The following TAFA2 variants were observed in gnomAD, a reference collection of about 807,000 sequenced individuals.
TAFA2 encodes chemokine-like protein TAFA-2.
In TAFA2, 7 loss-of-function variants were observed where a neutral mutation model predicts 18.8. That is an observed-to-expected ratio of 0.37 (90% CI 0.21 to 0.70). TAFA2 has a LOEUF of 0.70. TAFA2 is among the 30% of genes least tolerant of loss of function. TAFA2 has a pLI of 0.53. For synonymous variants in TAFA2, 60 were observed against 54.2 expected, an observed-to-expected ratio of 1.11 and a Z score of -0.47; for missense variants, 122 against 158.1, an observed-to-expected ratio of 0.77 and a Z score of 1.23.
At chr12:61,878,696 C>T (rs1385504729) in intron 1 of TAFA2, among the ~76,000 whole-genome samples, 3 of 152,200 alleles carry the variant, frequency 2.0e-5, no homozygotes, top group African/African-American at 4.8e-5. Flanking sequence ...TGCCCAATAA[C>T]ATTTAATGTC....
chr12:62,015,717 C>A (rs1439626952), intron 1 of TAFA2, among the ~76,000 whole-genome samples: 1 of 152,182 alleles, frequency 6.6e-6, no homozygotes, highest in Non-Finnish European at 1.5e-5. Flanking sequence ...CACATCCTCA[C>A]ATAGATCCAG....
chr12:62,039,352 G>T lies in TAFA2; in HGVS notation c.-2+151907C>A, dbSNP rs115057964. Among the ~76,000 whole-genome samples, 1,050 of 152,244 alleles carry T rather than the reference G, an allele frequency of 6.9e-3. 19 individuals carry two copies. Among genetic ancestry groups the T allele is most frequent in the African/African-American group, 0.024 (986 of 41,548 alleles). The stretch of plus-strand genomic sequence containing the variant: ...ACCGCTGAGTAAGGGCAGTAAAATA[G>T]GTTCTTCATTCCTAATAAATCATTA... On this transcript the variant is annotated intron_variant, in intron 1 of 4. Transcript: ENST00000416284.
intron 1 of TAFA2, among the ~76,000 whole-genome samples, chr12:62,103,383 A>C (rs1869294056): frequency 6.6e-6 from 1 of 152,196 alleles, no homozygotes; most frequent in African/African-American, 2.4e-5. Context: ...GTTATTATCC[A>C]GTCCAATATA....
intron 1 of TAFA2, among the ~76,000 whole-genome samples, chr12:62,024,682 T>A (rs910867520): frequency 6.6e-6 from 1 of 152,126 alleles, no homozygotes; most frequent in Non-Finnish European, 1.5e-5. Context: ...ACCTTCATAA[T>A]GGGAGAAAAT....
intron 1 of TAFA2, chr12:62,235,537 C>T: frequency 4.5e-6 from 2 of 447,358 alleles, no homozygotes; most frequent in East Asian, 8.0e-5. Flanking sequence ...GGTGTCTAGA[C>T]TCTCTGCTGA....
At chr12:62,107,871 T>C (rs1273751738) in intron 1 of TAFA2, among the ~76,000 whole-genome samples, 1 of 152,228 alleles carries the variant, frequency 6.6e-6, no homozygotes, top group Non-Finnish European at 1.5e-5. Context: ...ATAAAAATTA[T>C]CTTCTTTTTC....
chr12:61,998,991 T>C (rs1880290686), intron 1 of TAFA2, among the ~76,000 whole-genome samples: 1 of 152,156 alleles, frequency 6.6e-6, no homozygotes, highest in Non-Finnish European at 1.5e-5. Context: ...TCTGTAACAA[T>C]ATAGGGCATC....
At chr12:62,112,221 G>A (rs1239013049) in intron 1 of TAFA2, among the ~76,000 whole-genome samples, 1 of 152,096 alleles carries the variant, frequency 6.6e-6, no homozygotes, top group Non-Finnish European at 1.5e-5. Context: ...TGTCTGTAAA[G>A]GATTTTATTT....
At chr12:61,924,578 T>G (rs1357445930) in intron 1 of TAFA2, among the ~76,000 whole-genome samples, 1 of 152,132 alleles carries the variant, frequency 6.6e-6, no homozygotes, top group Non-Finnish European at 1.5e-5. Flanking sequence ...TCACAAGAGT[T>G]CTTGAAGGAA....
chr12:62,212,579 T>C (rs973614945), intron 1 of TAFA2, among the ~76,000 whole-genome samples: 2 of 152,198 alleles, frequency 1.3e-5, no homozygotes, highest in African/African-American at 2.4e-5. Context: ...TTCTCCTCTG[T>C]CTGCTGAATA....
chr12:61,763,207 G>A (rs1052111215), intron 2 of TAFA2, among the ~76,000 whole-genome samples: 2 of 152,000 alleles, frequency 1.3e-5, no homozygotes, highest in African/African-American at 4.8e-5. Flanking sequence ...AAGTGCCGAT[G>A]ACATGTTTAC....
intron 2 of TAFA2, among the ~76,000 whole-genome samples, chr12:61,818,570 G>T (rs1045124849): frequency 1.3e-5 from 2 of 150,866 alleles, no homozygotes; most frequent in African/African-American, 4.9e-5. Flanking sequence ...ATAGAGCAAA[G>T]CCCTCCAATG....
At chr12:61,844,640 T>G (rs2121138098) in intron 2 of TAFA2, among the ~76,000 whole-genome samples, 1 of 152,282 alleles carries the variant, frequency 6.6e-6, no homozygotes, top group South Asian at 2.1e-4. Context: ...AACAATTTTG[T>G]TCTGCTAAAA....
intron 1 of TAFA2, among the ~76,000 whole-genome samples, chr12:62,078,344 G>A (rs1868268550): frequency 6.6e-6 from 1 of 150,380 alleles, no homozygotes; most frequent in Non-Finnish European, 1.5e-5. Flanking sequence ...ATCTCCCAAG[G>A]TTACAAAAGG....
At chr12:62,086,547 C>T (rs1868463374) in intron 1 of TAFA2, among the ~76,000 whole-genome samples, 1 of 152,014 alleles carries the variant, frequency 6.6e-6, no homozygotes, top group African/African-American at 2.4e-5. Context: ...TAAAAAGATG[C>T]TTAACATCAC....
chr12:61,726,042 C>T (rs1870151109), intron 4 of TAFA2, among the ~76,000 whole-genome samples: 2 of 149,866 alleles, frequency 1.3e-5, no homozygotes, highest in African/African-American at 4.9e-5. Flanking sequence ...TTAGAAAAAG[C>T]AAGTCACACG....
chr12:62,165,821 A>C (rs970464733), intron 1 of TAFA2, among the ~76,000 whole-genome samples: 3 of 152,020 alleles, frequency 2.0e-5, no homozygotes, highest in Non-Finnish European at 2.9e-5. Flanking sequence ...TAGTCCTCAC[A>C]ATCTTACAAA....
At chr12:62,070,287 CAAGAA>C (rs1882595190) in intron 1 of TAFA2, 1 of 152,114 alleles carries the variant, frequency 6.6e-6, no homozygotes, top group South Asian at 2.1e-4. Context: ...TCTATACAGA[CAAGAA>C]AAGTCTGTGT....
intron 1 of TAFA2, among the ~76,000 whole-genome samples, chr12:62,121,527 G>A (rs1005196203): frequency 6.6e-6 from 1 of 152,108 alleles, no homozygotes; most frequent in African/African-American, 2.4e-5. Flanking sequence ...AAACTATAAC[G>A]TGATCTAAAG....
Sources: allele counts gnomAD v4.1 joint callset (sites outside exome capture counted in the v4.1 genomes callset), GRCh38; gene constraint gnomAD v4.1.1; transcripts MANE v1.5; gene names NCBI Gene and HGNC (gene_info 2026-07-23, HGNC 2026-07-21).